Variants in UBAP1L observed in about 807,000 individuals in gnomAD.
The protein encoded by UBAP1L is ubiquitin-associated protein 1-like.
A neutral mutation model predicts 32.1 loss-of-function variants in UBAP1L; 32 were observed. The observed-to-expected ratio is 1.00, with a 90% CI of 0.75 to 1.34. The LOEUF (loss-of-function observed/expected upper bound fraction) is 1.34, where lower values mean the gene tolerates loss of function less well. Among genes scored for constraint, UBAP1L ranks in the 40% most tolerant of loss-of-function variants. The pLI is 0.00. For missense variants in UBAP1L, 516 were observed against 540.5 expected (o/e 0.95, Z 0.45); for synonymous variants, 243 against 250.2 (o/e 0.97, Z 0.27).
chr15:65,105,401 C>A, intron 2 of UBAP1L: 1 of 302,362 alleles, frequency 3.3e-6, no homozygotes, highest in South Asian at 3.5e-5. Context: ...ATCGCTTGAG[C>A]CCTAGAAGAG....
At chr15:65,105,895 A>G (rs1348036060) in intron 2 of UBAP1L, 3 of 748,182 alleles carry the variant, frequency 4.0e-6, no homozygotes, top group African/African-American at 3.5e-5. Context: ...GATTCAAACA[A>G]TTCTCATGCC....
chr15:65,107,461 T>A (rs569836618), intron 1 of UBAP1L, among the ~76,000 whole-genome samples: 1 of 152,152 alleles, frequency 6.6e-6, no homozygotes, highest in African/African-American at 2.4e-5. Context: ...CCAGGTGCAG[T>A]GGCTCACACC....
chr15:65,102,231 G>A lies in UBAP1L; in HGVS notation c.574C>T (p.Gln192Ter). The change falls in exon 3 of 6, where the codon CAG (glutamine) becomes TAG (stop). Residue 192 changes from glutamine (Q) to a stop codon, truncating the protein, a stop_gained. Transcript: ENST00000559089. LOFTEE classifies it high-confidence loss of function. This position sits in a 1 kb window ranked among gnomAD's most constrained non-coding sequence, Gnocchi z 5.0. The part of the protein sequence containing the change: ...RALSLCPSPA[Q>*]SPRSASPPGP... ...GGGGGTGATGCAGACCTGGGGGACT[G>A]CGCAGGGCTCGGGCACAGGCTCAGC... is the stretch of plus-strand genomic sequence containing the variant. The A allele has an allele frequency of 7.9e-7, 1 of 1,260,076 alleles. No homozygotes were observed. Among genetic ancestry groups the A allele is most frequent in the Non-Finnish European group, 1.0e-6 (1 of 1,002,934 alleles). 78.1% of individuals were successfully genotyped at this position (1,260,076 alleles called of 1,614,324 possible).
At chr15:65,106,651 T>G (rs970733568) in intron 1 of UBAP1L, among the ~76,000 whole-genome samples, 2 of 151,296 alleles carry the variant, frequency 1.3e-5, no homozygotes, top group African/African-American at 4.9e-5. Flanking sequence ...TTTTTTTTTT[T>G]TTTTTCTGGG....
rs561798894 is a variant in UBAP1L at position 65,108,762 on chromosome 15, A to C, written c.-173-2374T>G. On this transcript the variant is annotated intron_variant, in intron 1 of 5. Transcript: ENST00000559089. The stretch of plus-strand genomic sequence containing the variant: ...AATGAGACACTGTCTCAAATAAATA[A>C]ATAAATAAATAAATAAATTAAATTT... 2.4e-4 allele frequency among the ~76,000 whole-genome samples: 36 copies of C among 151,102 alleles called. No individual in the cohort carries two copies. The South Asian group carries it at 3.1e-3, about 13-fold the overall frequency.
In UBAP1L at chr15:65,092,934, C is replaced by T; in HGVS notation, c.*163G>A. 1 of 1,018,564 alleles carries T rather than the reference C, an allele frequency of 9.8e-7. No homozygotes were observed. Among genetic ancestry groups the T allele is most frequent in the Non-Finnish European group, 1.4e-6 (1 of 730,350 alleles). 63.1% of individuals were successfully genotyped at this position (1,018,564 alleles called of 1,614,324 possible). Reference sequence around the variant, plus strand: ...GAGGCAACTATTTCAACTCTTTCAGCAGATTCTGCTGCTGTTAACTGTCAC... The same window carrying T: ...GAGGCAACTATTTCAACTCTTTCAGTAGATTCTGCTGCTGTTAACTGTCAC... On this transcript the variant is annotated 3_prime_UTR_variant, in exon 6 of 6. Transcript: ENST00000559089.
chr15:65,108,841 T>C (rs1416637037), intron 1 of UBAP1L, among the ~76,000 whole-genome samples: 4 of 151,888 alleles, frequency 2.6e-5, no homozygotes, highest in Non-Finnish European at 1.5e-5. Flanking sequence ...AGGAAAATTC[T>C]GATAAACTGG....
At position 65,094,566 on chromosome 15, in the gene UBAP1L, T is replaced by C. The variant is rs1313607388; in HGVS notation, c.920A>G (p.Tyr307Cys). 4 of 1,551,194 alleles carry C rather than the reference T, an allele frequency of 2.6e-6. No individual in the cohort carries two copies. Among genetic ancestry groups the C allele is most frequent in the Non-Finnish European group, 2.6e-6 (3 of 1,146,864 alleles). ...GRQSLSQFLS[Y>C]LSACDRLLRQ... ...TAACAGGCGGTCACAGGCACTGAGG[T>C]AGCTGAGAAACTGGGCCGGAAGCGG... is the stretch of plus-strand genomic sequence containing the variant. Residue 307 changes from tyrosine (Y) to cysteine (C), a missense_variant, in exon 5 of 6, where the codon TAC becomes TGC. Transcript: ENST00000559089. This position sits in a 1 kb window ranked among gnomAD's most constrained non-coding sequence, Gnocchi z 4.2.
chr15:65,113,546 G>A (rs1432194350), intron 1 of UBAP1L, among the ~76,000 whole-genome samples: 1 of 152,226 alleles, frequency 6.6e-6, no homozygotes, highest in African/African-American at 2.4e-5. Flanking sequence ...TCAGGAGTTC[G>A]AGACCTGCCT....
Position 65,094,561 on chromosome 15 carries a change from T to A in UBAP1L, c.925A>T (p.Ser309Cys), listed in dbSNP as rs2087153116. 2 of 1,551,254 alleles carry A rather than the reference T, an allele frequency of 1.3e-6. No individual in the cohort carries two copies. The highest frequency in any genetic ancestry group is 4.9e-5 in the East Asian group (2 of 40,908). Residue 309 changes from serine to cysteine, a missense_variant, in exon 5 of 6, where the codon AGT (serine) becomes TGT (cysteine). Transcript: ENST00000559089. The surrounding 1 kb of genome is among the most constrained non-coding windows in gnomAD (Gnocchi z 4.2). ...TGACGTAACAGGCGGTCACAGGCAC[T>A]GAGGTAGCTGAGAAACTGGGCCGGA... Reference protein sequence around the residue: ...QSLSQFLSYLSACDRLLRQGY... With the variant: ...QSLSQFLSYLCACDRLLRQGY...
rs539752074 is a variant in UBAP1L, at chr15:65,092,880, C to T, written c.*217G>A. 13 of 612,468 alleles carry T rather than the reference C, an allele frequency of 2.1e-5. No individual in the cohort carries two copies. The highest frequency in any genetic ancestry group is 9.3e-5 in the East Asian group (3 of 32,216). 37.9% of individuals were successfully genotyped at this position (612,468 alleles called of 1,614,324 possible). A position where few individuals can be genotyped will look rare whatever the true frequency, so the allele number is the denominator to read the frequency against. On this transcript the variant is annotated 3_prime_UTR_variant, in exon 6 of 6. Transcript: ENST00000559089. ...GGCATGCATGAAGAACATAGCTCCC[C>T]GTCCGGCTCTCCCATCTGCCCCTCT... is the stretch of plus-strand genomic sequence containing the variant.
Position 65,114,172 on chromosome 15 carries a change from C to A in UBAP1L, c.-174+978G>T, listed in dbSNP as rs368942896. Reference sequence around the variant, plus strand: ...GTGCTGGGATTACAGGCATGAGCCACCGCGCCCAGCCTTTTTTTTTTTTTT... The same window carrying A: ...GTGCTGGGATTACAGGCATGAGCCAACGCGCCCAGCCTTTTTTTTTTTTTT... On this transcript the variant is annotated intron_variant, in intron 1 of 5. Coordinates refer to ENST00000559089, the MANE Select transcript of UBAP1L (RefSeq NM_001163692.2). 4.0e-5 allele frequency among the ~76,000 whole-genome samples: 6 copies of A among 151,746 alleles called. No individual in the cohort carries two copies. The East Asian group carries it at 9.7e-4, about 24-fold the overall frequency.
rs981054896 is a variant in UBAP1L, at chr15:65,106,091, C to T, written c.120+5G>A. 1.9e-6 allele frequency: 3 copies of T among 1,551,426 alleles called. No individual in the cohort carries two copies. The highest frequency in any genetic ancestry group is 2.7e-5 in the African/African-American group (2 of 73,144). On this transcript the variant is annotated splice_donor_5th_base_variant and intron_variant, in intron 2 of 5. Transcript: ENST00000559089. ...CAGAAGACAGAAACACAGAGACACA[C>T]TTACCATAGAACCCAGCAGAACTTC...
intron 3 of UBAP1L, chr15:65,099,926 G>A (rs2087221471): frequency 6.2e-6 from 3 of 484,206 alleles, no homozygotes; most frequent in East Asian, 6.8e-5. Context: ...GCTACTTCAC[G>A]GGACTATCAG....
intron 1 of UBAP1L, among the ~76,000 whole-genome samples, chr15:65,107,984 G>A (rs1448171479): frequency 1.3e-5 from 2 of 150,806 alleles, no homozygotes; most frequent in Non-Finnish European, 3.0e-5. Context: ...TTTTTTGGTA[G>A]AAATTGGCAA....
chr15:65,095,375 C>G (rs2087160989), intron 4 of UBAP1L: 1 of 152,310 alleles, frequency 6.6e-6, no homozygotes, highest in Non-Finnish European at 1.5e-5. Context: ...TTCCCTGTTA[C>G]AGCACATATA....
At chr15:65,113,826 A>G (rs1328666698) in intron 1 of UBAP1L, among the ~76,000 whole-genome samples, 2 of 152,222 alleles carry the variant, frequency 1.3e-5, no homozygotes, top group African/African-American at 4.8e-5. Context: ...TCCTCAAAAA[A>G]GCTTGCCCTG....
chr15:65,105,160 CAG>C (rs919676165), intron 2 of UBAP1L, among the ~76,000 whole-genome samples: 1 of 150,946 alleles, frequency 6.6e-6, no homozygotes, highest in Non-Finnish European at 1.5e-5. Context: ...GCCTGGGCGA[CAG>C]AGTGAGGCCC....
At chr15:65,113,658 G>C (rs568488598) in intron 1 of UBAP1L, among the ~76,000 whole-genome samples, 2 of 152,224 alleles carry the variant, frequency 1.3e-5, no homozygotes, top group East Asian at 3.9e-4. Flanking sequence ...TGAGACGAGA[G>C]AACTGCTTGA....
Sources: allele counts gnomAD v4.1 joint callset (sites outside exome capture counted in the v4.1 genomes callset), GRCh38; gene constraint gnomAD v4.1.1; non-coding constraint Gnocchi (gnomAD v3.1); transcripts MANE v1.5; gene names NCBI Gene and HGNC (gene_info 2026-07-23, HGNC 2026-07-21).